Variants in SPHK2 observed in about 807,000 individuals in gnomAD.
SPHK2 encodes the protein sphingosine kinase 2.
In SPHK2, 18 loss-of-function variants were observed where a neutral mutation model predicts 32.3. That is an observed-to-expected ratio of 0.56 (90% CI 0.39 to 0.83). The LOEUF is 0.83. SPHK2 is among the 40% of genes least tolerant of loss of function. The probability of loss-of-function intolerance (pLI) is 0.00; values close to 1 mark genes in which losing one functional copy is unlikely to be tolerated. For synonymous variants in SPHK2, 462 were observed against 417.6 expected (o/e 1.11, Z -1.30); for missense variants, 850 against 908.7 (o/e 0.94, Z 0.83).
chr19:48,625,696 G>C (rs772837532), intron 2 of SPHK2, 195 bp from the exon 3 acceptor site: 1 of 1,534,716 alleles, frequency 6.5e-7, no homozygotes, highest in Non-Finnish European at 8.7e-7. Flanking sequence ...CCGGGTCTCC[G>C]GCCCCCTCTG....
intron 2 of SPHK2, among the ~76,000 whole-genome samples, chr19:48,622,260 AAAAAAAAAAAAAT>A: frequency 1.2e-5 from 1 of 86,224 alleles, no homozygotes; most frequent in Admixed American, 1.1e-4. Context: ...CTCCGTCTCA[AAAAAAAAAAAAAT>A]AAAAAAAAAT....
chr19:48,629,395 A>C lies in SPHK2; in HGVS notation c.1587A>C (p.Pro529=). The C allele has an allele frequency of 1.9e-6, 3 of 1,611,746 alleles. No homozygotes were observed. Among genetic ancestry groups the C allele is most frequent in the Non-Finnish European group, 2.5e-6 (3 of 1,179,478 alleles). ...CTCCGCTGGGCACCCCGCTGCCCCC[A>C]GACTGGGTGACGCTGGAGGGGGACT... ...LLPPLGTPLP[P]DWVTLEGDFV... The change falls in exon 7 of 7, where the codon CCA becomes CCC. Residue 529 remains proline (P), a synonymous_variant. Coordinates refer to ENST00000245222, the MANE Select transcript of SPHK2 (RefSeq NM_020126.5).
In SPHK2 at chr19:48,629,103, T is replaced by C. The variant is rs1405833022; in HGVS notation, c.1295T>C (p.Leu432Pro). The part of the protein sequence containing the change: ...DLPLPLPQPA[L>P]ASPGSPEPLP... ...CCTCTTCCCCTGCCCCAGCCTGCCC[T>C]GGCCTCTCCTGGCTCGCCAGAACCC... Residue 432 changes from leucine (L) to proline (P), a missense_variant, in exon 7 of 7, where the codon CTG becomes CCG. Physicochemically the swap from Leu to Pro is moderately conservative, Grantham distance 98 (BLOSUM62 -3). Coordinates refer to ENST00000245222, the MANE Select transcript of SPHK2 (RefSeq NM_020126.5). 1 of 1,613,282 alleles carries C rather than the reference T, an allele frequency of 6.2e-7. No individual in the cohort carries two copies. The highest frequency in any genetic ancestry group is 1.3e-5 in the African/African-American group (1 of 74,898).
chr19:48,625,876 C>A lies in SPHK2; in HGVS notation c.40-15C>A, dbSNP rs76628003. 3 of 1,609,644 alleles carry A rather than the reference C, an allele frequency of 1.9e-6. No individual in the cohort carries two copies. The highest frequency in any genetic ancestry group is 2.5e-6 in the Non-Finnish European group (3 of 1,179,514). ...GGTCCTGAATTCTCACCCCTTCTCT[C>A]CTCCCTTCCCACAGAGGCCAGACCA... is the stretch of plus-strand genomic sequence containing the variant. On this transcript the variant is annotated splice_polypyrimidine_tract_variant and intron_variant, in intron 2 of 6. Coordinates refer to ENST00000245222, the MANE Select transcript of SPHK2 (RefSeq NM_020126.5).
Position 48,628,572 on chromosome 19 carries a change from T to G in SPHK2, c.873-109T>G. On this transcript the variant is annotated intron_variant, in intron 6 of 6. Coordinates refer to ENST00000245222, the MANE Select transcript of SPHK2 (RefSeq NM_020126.5). This position sits in a 1 kb window ranked among gnomAD's most constrained non-coding sequence, Gnocchi z 5.2. ...GGTGGCCCCACGGCTGTGGTGGGCC[T>G]GGGCCATGGCCTTCGTGGTCTCATT... 2 of 1,399,054 alleles carry G rather than the reference T, an allele frequency of 1.4e-6. No homozygotes were observed. The highest frequency in any genetic ancestry group is 1.0e-6 in the Non-Finnish European group (1 of 1,003,866). The allele number at this position is 1,399,054 out of a possible 1,614,324, so 86.7% of individuals were successfully genotyped here. A position where few individuals can be genotyped will look rare whatever the true frequency, so the allele number is the denominator to read the frequency against.
At chr19:48,624,375 T>C (rs1974523729) in intron 2 of SPHK2, 1 of 152,036 alleles carries the variant, frequency 6.6e-6, no homozygotes, top group East Asian at 1.9e-4. Flanking sequence ...CACCCCTAGG[T>C]CTGATGGGGG....
chr19:48,629,758 G>C lies in SPHK2; in HGVS notation c.1950G>C (p.Pro650=). 2 of 1,576,250 alleles carry C rather than the reference G, an allele frequency of 1.3e-6. No homozygotes were observed. The highest frequency in any genetic ancestry group is 1.7e-6 in the Non-Finnish European group (2 of 1,158,054). ...TGCTCACTGGGCCTCCTGGCTGCCC[G>C]GGGCGGGAGCCCTGAAACTAAACAA... ...GTLLTGPPGC[P]GREP Residue 650 remains proline (P), a synonymous_variant, in exon 7 of 7, where the codon CCG becomes CCC. Transcript: ENST00000245222.
chr19:48,622,267 A>T (rs568240982), intron 2 of SPHK2, among the ~76,000 whole-genome samples: 63 of 146,544 alleles, frequency 4.3e-4, no homozygotes, highest in Admixed American at 6.7e-4. Context: ...TCAAAAAAAA[A>T]AAAAATAAAA....
chr19:48,621,844 T>C (rs1290464653), intron 2 of SPHK2, among the ~76,000 whole-genome samples: 1 of 152,250 alleles, frequency 6.6e-6, no homozygotes, highest in East Asian at 1.9e-4. Context: ...GAGTTTATCC[T>C]GTCTAGTGAC....
At chr19:48,625,358 G>A in intron 2 of SPHK2, 1 of 1,152,866 alleles carries the variant, frequency 8.7e-7, no homozygotes, top group Non-Finnish European at 1.1e-6. Context: ...TCTCTATTGC[G>A]TTTGTGATTG....
chr19:48,622,272 AT>A (rs59915009), intron 2 of SPHK2, among the ~76,000 whole-genome samples: 23,606 of 142,200 alleles, frequency 0.17, 2,486 homozygotes, highest in East Asian at 0.33. Context: ...AAAAAAAAAA[AT>A]AAAAAAAAAT....
intron 2 of SPHK2, among the ~76,000 whole-genome samples, chr19:48,622,805 G>A (rs1974458407): frequency 1.7e-5 from 2 of 116,128 alleles, no homozygotes; most frequent in South Asian, 5.4e-4. Flanking sequence ...TTGGTCTGTT[G>A]CCCAGGCTGG....
chr19:48,620,510 A>G lies in SPHK2; in HGVS notation c.-5A>G, dbSNP rs1185319437. The G allele has an allele frequency of 6.2e-7, 1 of 1,613,184 alleles. No homozygotes were observed. Among genetic ancestry groups the G allele is most frequent in the Middle Eastern group, 1.7e-4 (1 of 6,056 alleles). ...CGTTGATGTAACAGAGCAGAGGACC[A>G]GCAGATGAATGGACACCTTGAAGCA... is the stretch of plus-strand genomic sequence containing the variant. On this transcript the variant is annotated 5_prime_UTR_variant, in exon 2 of 7. Coordinates refer to ENST00000245222, the MANE Select transcript of SPHK2 (RefSeq NM_020126.5).
chr19:48,622,126 G>A (rs1025662857), intron 2 of SPHK2, among the ~76,000 whole-genome samples: 17 of 152,032 alleles, frequency 1.1e-4, no homozygotes, highest in African/African-American at 3.1e-4. Flanking sequence ...GCATGGTGGC[G>A]CGCGCCTGTA....
rs1296156350 is a variant in SPHK2, at chr19:48,629,508, A to C, written c.1700A>C (p.His567Pro). The change falls in exon 7 of 7, where the codon CAC becomes CCC. Residue 567 changes from histidine to proline, a missense_variant. Transcript: ENST00000245222. ...PHARFDDGLV[H>P]LCWVRSGISR... is the part of the protein sequence containing the mutation. The stretch of plus-strand genomic sequence containing the variant: ...GCGCGCTTCGACGACGGCCTGGTGC[A>C]CCTGTGCTGGGTGCGTAGCGGCATC... The C allele has an allele frequency of 6.2e-7, 1 of 1,607,186 alleles. No individual in the cohort carries two copies. The highest frequency in any genetic ancestry group is 8.5e-7 in the Non-Finnish European group (1 of 1,178,356).
Position 48,629,201 on chromosome 19 carries a change from C to T in SPHK2, c.1393C>T (p.Leu465=), listed in dbSNP as rs764569282. 6.2e-7 allele frequency: 1 copy of T among 1,613,530 alleles called. No individual in the cohort carries two copies. Among genetic ancestry groups the T allele is most frequent in the Admixed American group, 1.7e-5 (1 of 60,014 alleles). Residue 465 remains leucine (L), a synonymous_variant, in exon 7 of 7, where the codon CTG becomes TTG. Coordinates refer to ENST00000245222, the MANE Select transcript of SPHK2 (RefSeq NM_020126.5). The part of the protein sequence containing the change: ...GDWGGAGDAP[L]SPDPLLSSPP... The stretch of plus-strand genomic sequence containing the variant: ...CTGGGGTGGGGCTGGGGATGCTCCG[C>T]TGTCCCCGGACCCACTGCTGTCTTC...
Position 48,629,514 on chromosome 19 carries a change from G to T in SPHK2, c.1706G>T (p.Cys569Phe). Residue 569 changes from cysteine (C) to phenylalanine (F), a missense_variant, in exon 7 of 7, where the codon TGC becomes TTC. By Grantham distance (205) the Cys-to-Phe change is radical. Around this residue, in one of 2 missense-constraint regions of SPHK2, gnomAD observed 306 missense variants for 268.6 expected, o/e 1.14. Transcript: ENST00000245222. Reference sequence around the variant, plus strand: ...TTCGACGACGGCCTGGTGCACCTGTGCTGGGTGCGTAGCGGCATCTCGCGG... The same window carrying T: ...TTCGACGACGGCCTGGTGCACCTGTTCTGGGTGCGTAGCGGCATCTCGCGG... ...ARFDDGLVHL[C>F]WVRSGISRAA... 1 of 1,606,854 alleles carries T rather than the reference G, an allele frequency of 6.2e-7. No individual in the cohort carries two copies.
At position 48,628,652 on chromosome 19, in the gene SPHK2, T is replaced by C; in HGVS notation, c.873-29T>C. The C allele has an allele frequency of 6.2e-7, 1 of 1,601,814 alleles. No homozygotes were observed. The highest frequency in any genetic ancestry group is 1.3e-5 in the African/African-American group (1 of 74,946). On this transcript the variant is annotated intron_variant, in intron 6 of 6. Transcript: ENST00000245222. This position sits in a 1 kb window ranked among gnomAD's most constrained non-coding sequence, Gnocchi z 5.2. ...CCAACCCCTGTTTGCTCCTTCCTTC[T>C]GTGTGTCCGTCCATCTCCGGCTGTG...
rs577232479 is a variant in SPHK2 at position 48,626,271 on chromosome 19, C to G, written c.420C>G (p.Ala140=). 1 of 1,594,006 alleles carries G rather than the reference C, an allele frequency of 6.3e-7. No homozygotes were observed. Among genetic ancestry groups the G allele is most frequent in the South Asian group, 1.1e-5 (1 of 90,246 alleles). The change falls in exon 3 of 7, where the codon GCC becomes GCG. Residue 140 remains alanine, a synonymous_variant. Coordinates refer to ENST00000245222, the MANE Select transcript of SPHK2 (RefSeq NM_020126.5). ...RATRTFRADG[A]ATYEENRAEA... is the part of the protein sequence containing the mutation. ...CTCGCACCTTCCGGGCAGATGGGGC[C>G]GCCACCTACGAAGAGAACCGTGCCG...
Sources: allele counts gnomAD v4.1 joint callset (sites outside exome capture counted in the v4.1 genomes callset), GRCh38; gene constraint gnomAD v4.1.1; regional missense constraint gnomAD v4.1.1; non-coding constraint Gnocchi (gnomAD v3.1); transcripts MANE v1.5; gene names NCBI Gene and HGNC (gene_info 2026-07-23, HGNC 2026-07-21).